Variants in MAP3K13 observed in about 807,000 individuals in gnomAD.
MAP3K13 encodes mitogen-activated protein kinase kinase kinase 13.
In MAP3K13, 52 loss-of-function variants were observed where a neutral mutation model predicts 104.0. The observed-to-expected ratio is 0.50, with a 90% CI of 0.40 to 0.63. The LOEUF is 0.63. MAP3K13 is among the 20% of genes least tolerant of loss of function. The pLI is 0.00. For synonymous variants in MAP3K13, 394 were observed against 442.2 expected (o/e 0.89, Z 1.37); for missense variants, 914 against 1,218.5 (o/e 0.75, Z 3.72).
chr3:185,451,123 C>T (rs563865360), intron 6 of MAP3K13, among the ~76,000 whole-genome samples, 164 bp from the exon 7 acceptor site: 1 of 152,304 alleles, frequency 6.6e-6, no homozygotes, highest in East Asian at 1.9e-4. Context: ...TAAAACTGTA[C>T]TGAGATACAA....
At chr3:185,395,363 T>TTTTTTTTTC (rs1712329144) in intron 1 of MAP3K13, among the ~76,000 whole-genome samples, 1 of 73,308 alleles carries the variant, frequency 1.4e-5, no homozygotes, top group African/African-American at 5.9e-5. Flanking sequence ...ATTTCTTTTT[T>TTTTTTTTTC]TTTTTTTTTT....
chr3:185,313,263 G>A (rs1232236675), intron 2 of MAP3K13, among the ~76,000 whole-genome samples: 2 of 134,588 alleles, frequency 1.5e-5, no homozygotes, highest in Non-Finnish European at 1.6e-5. Context: ...ATGAACAATA[G>A]TACAAGTTTT....
chr3:185,429,124 C>T, intron 2 of MAP3K13, 68 bp downstream of exon 2: 1 of 1,443,446 alleles, frequency 6.9e-7, no homozygotes. Flanking sequence ...CCGTCACCAC[C>T]ATTAGCTGGA....
At chr3:185,300,344 G>A (rs973787953) in intron 2 of MAP3K13, among the ~76,000 whole-genome samples, 3 of 151,228 alleles carry the variant, frequency 2.0e-5, no homozygotes, top group Middle Eastern at 3.2e-3. Flanking sequence ...CCGCCACCAC[G>A]CCCAGCTAAG....
chr3:185,399,275 G>A (rs1293707145), intron 1 of MAP3K13, among the ~76,000 whole-genome samples: 2 of 151,962 alleles, frequency 1.3e-5, no homozygotes, highest in Non-Finnish European at 2.9e-5. Flanking sequence ...GATAAAATGG[G>A]TCCATAAAAT....
intron 2 of MAP3K13, among the ~76,000 whole-genome samples, chr3:185,343,109 G>A (rs1035076038): frequency 6.6e-6 from 1 of 152,198 alleles, no homozygotes; most frequent in Admixed American, 6.5e-5. Context: ...GAGGGAAGGA[G>A]AGACTCCAGA....
chr3:185,473,879 T>A lies in MAP3K13; in HGVS notation c.2430+118T>A. ...GTATACATTTTGTAAAAGGACAAGA[T>A]AACAGAAACATAAATAGAAATTTAT... is the stretch of plus-strand genomic sequence containing the variant. On this transcript the variant is annotated intron_variant, in intron 11 of 13. Transcript: ENST00000265026. The surrounding 1 kb of genome is among the most constrained non-coding windows in gnomAD (Gnocchi z 4.9). 8.9e-7 allele frequency: 1 copy of A among 1,118,942 alleles called. No homozygotes were observed. 69.3% of individuals were successfully genotyped at this position (1,118,942 alleles called of 1,614,324 possible).
At chr3:185,291,506 T>G (rs1459751486) in intron 2 of MAP3K13, 1 of 988,654 alleles carries the variant, frequency 1.0e-6, no homozygotes, top group Non-Finnish European at 1.4e-6. Context: ...TTCAGCATGG[T>G]ATCTAGTAAT....
In MAP3K13 at chr3:185,485,308, C is replaced by T. The variant is rs1041401627; in HGVS notation, c.*2852C>T. On this transcript the variant is annotated 3_prime_UTR_variant, in exon 14 of 14. Transcript: ENST00000265026. Reference sequence around the variant, plus strand: ...CCCTTTGTTCTCCCACCTTTATTCTCCTAGTGGAGAGTAGCAGGGAGACTA... The same window carrying T: ...CCCTTTGTTCTCCCACCTTTATTCTTCTAGTGGAGAGTAGCAGGGAGACTA... 6.6e-5 allele frequency: 10 copies of T among 152,202 alleles called. No individual in the cohort carries two copies. The highest frequency in any genetic ancestry group is 1.5e-4 in the Non-Finnish European group (10 of 68,048). 9.4% of individuals were successfully genotyped at this position (152,202 alleles called of 1,614,324 possible).
intron 2 of MAP3K13, chr3:185,291,870 C>T (rs1477822793): frequency 1.3e-5 from 15 of 1,191,812 alleles, no homozygotes; most frequent in Non-Finnish European, 1.6e-5. Flanking sequence ...TGCTTACGTT[C>T]CTTTAGACTA....
rs750289246 is a variant in MAP3K13 at position 185,473,080 on chromosome 3, A to G, written c.1749A>G (p.Arg583=). ...TGTCCACTTCTAGCAGCAAGAGCCG[A>G]TATCGAAGCAAACCACGCCACCGCC... The part of the protein sequence containing the change: ...PKMSTSSSKS[R]YRSKPRHRRG... The change falls in exon 11 of 14, where the codon CGA becomes CGG. Residue 583 remains arginine (R), a synonymous_variant. Coordinates refer to ENST00000265026, the MANE Select transcript of MAP3K13 (RefSeq NM_004721.5). This position sits in a 1 kb window ranked among gnomAD's most constrained non-coding sequence, Gnocchi z 4.9. 4 of 1,614,164 alleles carry G rather than the reference A, an allele frequency of 2.5e-6. No individual in the cohort carries two copies. The highest frequency in any genetic ancestry group is 3.4e-6 in the Non-Finnish European group (4 of 1,180,028).
intron 1 of MAP3K13, among the ~76,000 whole-genome samples, chr3:185,415,896 C>A (rs1484884818): frequency 6.6e-6 from 1 of 152,076 alleles, no homozygotes; most frequent in Non-Finnish European, 1.5e-5. Flanking sequence ...TTTTTTCTCC[C>A]AAATACTACA....
chr3:185,454,977 G>GATATATATGAGATATATATC (rs1560118049), intron 7 of MAP3K13, among the ~76,000 whole-genome samples: 2 of 45,408 alleles, frequency 4.4e-5, no homozygotes, highest in African/African-American at 1.3e-4. Context: ...ATATATATAT[G>GATATATATGAGATATATATC]ATATATATGA....
At chr3:185,448,008 A>T in intron 5 of MAP3K13, 61 bp downstream of exon 5, 1 of 1,513,994 alleles carries the variant, frequency 6.6e-7, no homozygotes, top group South Asian at 1.2e-5. Context: ...CCCTATTAGC[A>T]CTGTCTTCCT....
chr3:185,443,814 G>A (rs1715453991), intron 4 of MAP3K13, 178 bp downstream of exon 4: 1 of 557,002 alleles, frequency 1.8e-6, no homozygotes, highest in Admixed American at 3.1e-5. Flanking sequence ...GTTACCTGTA[G>A]GGCAGATACG....
intron 1 of MAP3K13, among the ~76,000 whole-genome samples, chr3:185,366,101 T>C (rs538487300): frequency 2.0e-5 from 3 of 151,614 alleles, no homozygotes; most frequent in East Asian, 3.9e-4. Context: ...TCACTCCTCA[T>C]TTCTCTTCAC....
intron 2 of MAP3K13, among the ~76,000 whole-genome samples, chr3:185,342,041 T>C (rs909575922): frequency 1.3e-5 from 2 of 152,166 alleles, no homozygotes; most frequent in Non-Finnish European, 2.9e-5. Context: ...ATGAGGAGAC[T>C]CAGATGTCCC....
intron 2 of MAP3K13, among the ~76,000 whole-genome samples, chr3:185,333,158 G>C (rs1001607337): frequency 6.6e-6 from 1 of 151,710 alleles, no homozygotes; most frequent in African/African-American, 2.4e-5. Flanking sequence ...TTGTGCCCTT[G>C]AGTTTTCCAA....
intron 7 of MAP3K13, among the ~76,000 whole-genome samples, chr3:185,459,456 T>A (rs796463215): frequency 5.9e-4 from 89 of 151,404 alleles, no homozygotes; most frequent in African/African-American, 1.8e-3. Flanking sequence ...TTAAAAAAAA[T>A]TTTTTTTTGA....
Sources: gnomAD v4.1 joint callset for allele counts (sites outside exome capture counted in the v4.1 genomes callset) on GRCh38, gnomAD v4.1.1 for gene constraint, Gnocchi (gnomAD v3.1) non-coding constraint, MANE v1.5 for transcripts, NCBI Gene and HGNC (gene_info 2026-07-23, HGNC 2026-07-21) for gene names.